CACNA2D4: variants seen among roughly 807,000 people sequenced by gnomAD.
CACNA2D4 encodes calcium voltage-gated channel auxiliary subunit alpha2delta 4.
CACNA2D4 carries 157 observed loss-of-function variants against 163.8 expected under a neutral mutation model. The observed-to-expected ratio is 0.96, with a 90% CI of 0.84 to 1.09. CACNA2D4 has a LOEUF of 1.09. Among genes scored for constraint, CACNA2D4 ranks in the 50% least tolerant of loss-of-function variants. The pLI is 0.00. For synonymous variants in CACNA2D4, 598 were observed against 586.9 expected (o/e 1.02, Z -0.27); for missense variants, 1,410 against 1,479.9 (o/e 0.95, Z 0.78).
intron 18 of CACNA2D4, among the ~76,000 whole-genome samples, chr12:1,862,124 G>A (rs929564952): frequency 1.3e-5 from 2 of 152,278 alleles, no homozygotes; most frequent in South Asian, 2.1e-4. Flanking sequence ...TACGCTCATC[G>A]ATTGATGGAT....
chr12:1,840,279 G>A (rs1864985177), intron 26 of CACNA2D4, among the ~76,000 whole-genome samples: 1 of 151,942 alleles, frequency 6.6e-6, no homozygotes, highest in Admixed American at 6.6e-5. Context: ...GAATAAAAGA[G>A]CTCTGCCCGC....
intron 23 of CACNA2D4, among the ~76,000 whole-genome samples, chr12:1,849,078 G>C (rs1865217448): frequency 2.0e-5 from 3 of 152,144 alleles, no homozygotes; most frequent in African/African-American, 7.2e-5. Flanking sequence ...TCCTGCCCCT[G>C]TCCTGGAATC....
intron 26 of CACNA2D4, chr12:1,831,628 G>A (rs988699669): frequency 2.1e-6 from 2 of 970,036 alleles, no homozygotes; most frequent in Non-Finnish European, 3.1e-6. Flanking sequence ...GAGCAGGCCA[G>A]GGGAAAGAAG....
At chr12:1,818,232 G>A (rs1259136707) in intron 26 of CACNA2D4, among the ~76,000 whole-genome samples, 5 of 151,894 alleles carry the variant, frequency 3.3e-5, no homozygotes, top group Non-Finnish European at 4.4e-5. Flanking sequence ...GGGAAGTGAG[G>A]AGCCCCTCTG....
rs149494416 is a variant in CACNA2D4 at position 1,878,820 on chromosome 12, G to A, written c.1644+136C>T. On this transcript the variant is annotated intron_variant, in intron 15 of 37. Transcript: ENST00000382722. This position sits in a 1 kb window ranked among gnomAD's most constrained non-coding sequence, Gnocchi z 4.6. ...GTTGCTGCTCCCCTGCTCAGCACCT[G>A]CACTTCTTGGGCAGTGATGGAGGGG... is the stretch of plus-strand genomic sequence containing the variant. 7.2e-4 allele frequency: 510 copies of A among 705,070 alleles called. 2 individuals are homozygous for A. Among genetic ancestry groups the A allele is most frequent in the Middle Eastern group, 6.7e-3 (18 of 2,696 alleles). The allele number at this position is 705,070 out of a possible 1,614,324, so 43.7% of individuals were successfully genotyped here.
intron 16 of CACNA2D4, among the ~76,000 whole-genome samples, chr12:1,876,468 T>A (rs1346404847): frequency 6.6e-6 from 1 of 152,132 alleles, no homozygotes; most frequent in African/African-American, 2.4e-5. Context: ...TTAACCCCAA[T>A]CAAAAAAGCA....
At chr12:1,858,439 T>C in intron 20 of CACNA2D4, 138 bp downstream of exon 20, 1 of 703,650 alleles carries the variant, frequency 1.4e-6, no homozygotes, top group Non-Finnish European at 2.5e-6. Context: ...CTGGCAGCAT[T>C]GTTCTGAGAG....
At chr12:1,895,314 G>A (rs935482581) in intron 6 of CACNA2D4, among the ~76,000 whole-genome samples, 5 of 151,884 alleles carry the variant, frequency 3.3e-5, no homozygotes, top group Non-Finnish European at 7.4e-5. Context: ...GCAATCTACA[G>A]ATTTAATGCA....
At position 1,834,461 on chromosome 12, in the gene CACNA2D4, C is replaced by T. The variant is rs1284082311; in HGVS notation, c.2551+6278G>A. ...TGCTAAGCCCAAGCCCGGGGCTGAG[C>T]CGGAGCCGGAGCCCAGCACAGCCTG... On this transcript the variant is annotated intron_variant, in intron 26 of 37. Transcript: ENST00000382722. This position sits in a 1 kb window ranked among gnomAD's most constrained non-coding sequence, Gnocchi z 7.6. 2.5e-6 allele frequency: 4 copies of T among 1,610,774 alleles called. No homozygotes were observed. The highest frequency in any genetic ancestry group is 3.4e-6 in the Non-Finnish European group (4 of 1,179,756).
At chr12:1,807,857 G>A (rs1418737008) in intron 29 of CACNA2D4, among the ~76,000 whole-genome samples, 1 of 152,156 alleles carries the variant, frequency 6.6e-6, no homozygotes, top group African/African-American at 2.4e-5. Flanking sequence ...GCCCCAGCAG[G>A]AGCCTCTAGA....
At chr12:1,818,588 T>A (rs1863965962) in intron 26 of CACNA2D4, among the ~76,000 whole-genome samples, 1 of 151,054 alleles carries the variant, frequency 6.6e-6, no homozygotes, top group African/African-American at 2.5e-5. Context: ...TCGTTAAAAG[T>A]CATCACCACT....
chr12:1,802,378 A>C lies in CACNA2D4; in HGVS notation c.2722-734T>G, dbSNP rs1312587744. Among the ~76,000 whole-genome samples the C allele has an allele frequency of 2.6e-5, 4 of 152,202 alleles. No individual in the cohort carries two copies. The highest frequency in any genetic ancestry group is 9.7e-5 in the African/African-American group (4 of 41,442). On this transcript the variant is annotated intron_variant, in intron 29 of 37. Transcript: ENST00000382722. This position sits in a 1 kb window ranked among gnomAD's most constrained non-coding sequence, Gnocchi z 4.7. Reference sequence around the variant, plus strand: ...TCACTCTTGCCTTCATTTCCAAAAAATAAAACAGGACCCTCCCTCCTGCCC... The same window carrying C: ...TCACTCTTGCCTTCATTTCCAAAAACTAAAACAGGACCCTCCCTCCTGCCC...
intron 13 of CACNA2D4, among the ~76,000 whole-genome samples, chr12:1,881,307 C>T (rs753265860): frequency 1.3e-5 from 2 of 152,206 alleles, no homozygotes; most frequent in Non-Finnish European, 2.9e-5. Flanking sequence ...ATCCTAGCAC[C>T]GTCTGACATC....
intron 26 of CACNA2D4, chr12:1,827,783 C>T: frequency 4.0e-6 from 1 of 247,242 alleles, no homozygotes; most frequent in East Asian, 7.2e-5. Context: ...GATCAACATA[C>T]TCGGGAGGCA....
chr12:1,807,533 G>A (rs1863581001), intron 29 of CACNA2D4, among the ~76,000 whole-genome samples: 1 of 152,006 alleles, frequency 6.6e-6, no homozygotes, highest in South Asian at 2.1e-4. Context: ...AAAACAGATG[G>A]ACGGACAGAG....
In CACNA2D4 at chr12:1,834,245, T is replaced by G; in HGVS notation, c.2551+6494A>C. 1 of 1,530,838 alleles carries G rather than the reference T, an allele frequency of 6.5e-7. No homozygotes were observed. The highest frequency in any genetic ancestry group is 8.8e-7 in the Non-Finnish European group (1 of 1,137,524). 94.8% of individuals were successfully genotyped at this position (1,530,838 alleles called of 1,614,324 possible). ...AAGTTCTAGATGCCTGGTCAGCCCC[T>G]CTTTTTCTCTTCTGCATGTAGGGGG... On this transcript the variant is annotated intron_variant, in intron 26 of 37. Coordinates refer to ENST00000382722, the MANE Select transcript of CACNA2D4 (RefSeq NM_172364.5). This position sits in a 1 kb window ranked among gnomAD's most constrained non-coding sequence, Gnocchi z 7.6.
intron 23 of CACNA2D4, among the ~76,000 whole-genome samples, chr12:1,853,233 T>G (rs1865324771): frequency 6.6e-6 from 1 of 152,188 alleles, no homozygotes; most frequent in South Asian, 2.1e-4. Flanking sequence ...GCACCCACTT[T>G]TTACAGAAAA....
intron 11 of CACNA2D4, 51 bp downstream of exon 11, chr12:1,884,717 C>T (rs1866091039): frequency 3.3e-6 from 4 of 1,225,634 alleles, no homozygotes; most frequent in Admixed American, 3.8e-5. Context: ...TGATCCCATC[C>T]ATGGCAGCAG....
intron 22 of CACNA2D4, among the ~76,000 whole-genome samples, chr12:1,854,430 G>A (rs918288928): frequency 1.3e-5 from 2 of 152,018 alleles, no homozygotes; most frequent in Admixed American, 6.6e-5. Context: ...TGTTGAGATG[G>A]AGTCTCATTC....
Sources: allele counts gnomAD v4.1 joint callset (sites outside exome capture counted in the v4.1 genomes callset), GRCh38; gene constraint gnomAD v4.1.1; non-coding constraint Gnocchi (gnomAD v3.1); transcripts MANE v1.5; gene names NCBI Gene and HGNC (gene_info 2026-07-23, HGNC 2026-07-21).